MCC: variants seen among roughly 807,000 people sequenced by gnomAD.
MCC encodes colorectal mutant cancer protein.
A neutral mutation model predicts 116.2 loss-of-function variants in MCC; 90 were observed. The ratio of observed to expected loss-of-function variants is 0.77; its 90% CI spans 0.65 to 0.92. The LOEUF is 0.92. MCC is among the 40% of genes least tolerant of loss of function. The pLI is 0.00. For missense variants in MCC, 1,516 were observed against 1,312.2 expected (o/e 1.16, Z -2.40); for synonymous variants, 578 against 510.5 (o/e 1.13, Z -1.78).
At chr5:113,384,939 C>G in intron 2 of MCC, 29 bp downstream of exon 2, 1 of 1,612,558 alleles carries the variant, frequency 6.2e-7, no homozygotes, top group Non-Finnish European at 8.5e-7. Flanking sequence ...CAGTGGAGTG[C>G]CATAAAACTG....
chr5:113,071,152 T>C lies in MCC; in HGVS notation c.1867A>G (p.Met623Val), dbSNP rs778583537. The C allele has an allele frequency of 1.9e-6, 3 of 1,614,230 alleles. No homozygotes were observed. Among genetic ancestry groups the C allele is most frequent in the Non-Finnish European group, 1.7e-6 (2 of 1,180,040 alleles). ...TTGGATTCGTATTTTCCCACCAGCA[T>C]GCTCATCCTCTCGGCATTGCTTTTA... ...ECKSNAERMSMLVGKYESNAT... is the reference protein window; with the variant it reads ...ECKSNAERMSVLVGKYESNAT... The change falls in exon 12 of 19, where the codon ATG becomes GTG. Residue 623 changes from methionine (M) to valine (V), a missense_variant. Met to Val is a conservative substitution (Grantham distance 21). Coordinates refer to ENST00000408903, the MANE Select transcript of MCC (RefSeq NM_001085377.2).
chr5:113,412,051 T>C (rs773301284), intron 1 of MCC, among the ~76,000 whole-genome samples: 1 of 152,228 alleles, frequency 6.6e-6, no homozygotes, highest in Non-Finnish European at 1.5e-5. Context: ...TTTCTTGTTT[T>C]TGTCAGGTTT....
chr5:113,195,912 C>G (rs1488003975), intron 3 of MCC, among the ~76,000 whole-genome samples: 1 of 152,158 alleles, frequency 6.6e-6, no homozygotes, highest in Non-Finnish European at 1.5e-5. Context: ...GTGGTCAAGT[C>G]ACAGCTGGCT....
chr5:113,288,770 T>C (rs1188089405), intron 3 of MCC, among the ~76,000 whole-genome samples: 7 of 152,208 alleles, frequency 4.6e-5, no homozygotes. Context: ...GAGTGTGCTC[T>C]GGAGAAAGGC....
chr5:113,150,167 G>A (rs904992265), intron 4 of MCC, among the ~76,000 whole-genome samples: 1 of 152,278 alleles, frequency 6.6e-6, no homozygotes, highest in South Asian at 2.1e-4. Flanking sequence ...CCAGATAAAA[G>A]CAGGTAAAAG....
At chr5:113,277,255 C>G (rs1379184883) in intron 3 of MCC, among the ~76,000 whole-genome samples, 4 of 151,696 alleles carry the variant, frequency 2.6e-5, no homozygotes, top group African/African-American at 9.7e-5. Flanking sequence ...GTAATCCCAG[C>G]TACTCGGGAG....
At chr5:113,393,333 G>A (rs938499644) in intron 1 of MCC, among the ~76,000 whole-genome samples, 8 of 152,226 alleles carry the variant, frequency 5.3e-5, no homozygotes, top group African/African-American at 1.4e-4. Context: ...ATATAAAGCC[G>A]ATTCAAAATA....
Position 113,053,766 on chromosome 5 carries a change from G to T in MCC, c.2407C>A (p.Leu803Met). The T allele has an allele frequency of 6.2e-7, 1 of 1,613,464 alleles. No individual in the cohort carries two copies. Among genetic ancestry groups the T allele is most frequent in the Non-Finnish European group, 8.5e-7 (1 of 1,179,482 alleles). ...KPRGDSQRLDLENAVLMQELM... is the reference protein window; with the variant it reads ...KPRGDSQRLDMENAVLMQELM... ...TCCTGCATAAGCACTGCGTTTTCCA[G>T]ATCCAGCCTCTGGCTGTCTCCCCGA... The change falls in exon 15 of 19, where the codon CTG becomes ATG. Residue 803 changes from leucine (L) to methionine (M), a missense_variant. Transcript: ENST00000408903.
intron 7 of MCC, among the ~76,000 whole-genome samples, chr5:113,103,226 A>C (rs1174889648): frequency 6.6e-6 from 1 of 152,208 alleles, no homozygotes; most frequent in Non-Finnish European, 1.5e-5. Context: ...TTGGTTCTCA[A>C]ATCTTGCTGC....
At chr5:113,153,989 C>G (rs1760031762) in intron 3 of MCC, among the ~76,000 whole-genome samples, 1 of 152,188 alleles carries the variant, frequency 6.6e-6, no homozygotes, top group Non-Finnish European at 1.5e-5. Context: ...CAGTTTGTTA[C>G]TTGGATGAAA....
intron 17 of MCC, among the ~76,000 whole-genome samples, chr5:113,035,181 GTCAC>G (rs962841646): frequency 1.3e-5 from 2 of 152,236 alleles, no homozygotes; most frequent in Admixed American, 1.3e-4. Flanking sequence ...CTTTCAGCCA[GTCAC>G]TCATTGGGCT....
At chr5:113,220,271 G>A (rs1248334727) in intron 3 of MCC, among the ~76,000 whole-genome samples, 2 of 151,584 alleles carry the variant, frequency 1.3e-5, no homozygotes, top group Admixed American at 1.3e-4. Flanking sequence ...GTGTTAGCCA[G>A]GATGGTCTCG....
At chr5:113,069,461 T>A (rs1371318011) in intron 12 of MCC, among the ~76,000 whole-genome samples, 1 of 152,268 alleles carries the variant, frequency 6.6e-6, no homozygotes, top group Non-Finnish European at 1.5e-5. Flanking sequence ...CCAGATAATA[T>A]GCCTGCAGTA....
intron 8 of MCC, among the ~76,000 whole-genome samples, chr5:113,097,708 T>C (rs1000579602): frequency 6.6e-6 from 1 of 152,152 alleles, no homozygotes; most frequent in African/African-American, 2.4e-5. Context: ...TTAACCTCTG[T>C]AAGATCACAA....
chr5:113,402,721 G>A (rs1371947296), intron 1 of MCC, among the ~76,000 whole-genome samples: 1 of 152,154 alleles, frequency 6.6e-6, no homozygotes, highest in African/African-American at 2.4e-5. Context: ...ATGAGGGCTT[G>A]TAGTCTGATT....
intron 15 of MCC, among the ~76,000 whole-genome samples, chr5:113,051,666 G>A (rs946690192): frequency 2.6e-5 from 4 of 152,200 alleles, no homozygotes; most frequent in Admixed American, 1.3e-4. Context: ...CGAGGCTATA[G>A]TGAGCCATGA....
intron 1 of MCC, among the ~76,000 whole-genome samples, chr5:113,478,775 T>C (rs931067183): frequency 3.3e-5 from 5 of 152,230 alleles, no homozygotes; most frequent in Non-Finnish European, 7.3e-5. Flanking sequence ...TGTGGCATCA[T>C]GTTCCTCAGG....
Position 113,049,076 on chromosome 5 carries a change from A to T in MCC, c.2655+17T>A. The T allele has an allele frequency of 1.9e-6, 3 of 1,613,782 alleles. No individual in the cohort carries two copies. The highest frequency in any genetic ancestry group is 2.5e-6 in the Non-Finnish European group (3 of 1,179,826). On this transcript the variant is annotated intron_variant, in intron 16 of 18. Transcript: ENST00000408903. ...GTCACTGAGCCTAAGGGTGTCCCCA[A>T]GCCACTCCGGCCCTACCTTGCCAGG...
intron 1 of MCC, among the ~76,000 whole-genome samples, chr5:113,475,363 A>C (rs901702841): frequency 1.3e-5 from 2 of 152,214 alleles, no homozygotes; most frequent in Non-Finnish European, 2.9e-5. Flanking sequence ...TCAATCTAGA[A>C]ACTTGTTCAA....
Sources: gnomAD v4.1 joint callset for allele counts (sites outside exome capture counted in the v4.1 genomes callset) on GRCh38, gnomAD v4.1.1 for gene constraint, MANE v1.5 for transcripts, NCBI Gene and HGNC (gene_info 2026-07-23, HGNC 2026-07-21) for gene names.